RTL4: variants seen among roughly 807,000 people sequenced by gnomAD.
The protein encoded by RTL4 is retrotransposon Gag like 4.
RTL4 carries 4 observed loss-of-function variants against 5.3 expected under a neutral mutation model. That is an observed-to-expected ratio of 0.75 (90% CI 0.37 to 1.72). The LOEUF (loss-of-function observed/expected upper bound fraction) is 1.72. Ranked by LOEUF, RTL4 falls within the 40% of genes most tolerant of loss-of-function variation. RTL4 has a pLI of 0.04. For synonymous variants in RTL4, 98 were observed against 87.3 expected, an observed-to-expected ratio of 1.12 and a Z score of -0.68; for missense variants, 260 against 227.1, an observed-to-expected ratio of 1.14 and a Z score of -0.93.
At chrX:112,343,707 T>C in the RTL4 span, among the ~76,000 whole-genome samples, 2 of 112,104 alleles carry the variant, frequency 1.8e-5, no homozygotes, top group East Asian at 2.8e-4. Context: ...TTGAAGAACA[T>C]TCTTCAGGAA....
chrX:112,332,832 T>TA, the RTL4 span, among the ~76,000 whole-genome samples: 1 of 110,734 alleles, frequency 9.0e-6, no homozygotes, highest in Non-Finnish European at 1.9e-5. Context: ...AAGTTAACAA[T>TA]AAAAAAAAGA....
chrX:112,329,474 C>T, the RTL4 span, among the ~76,000 whole-genome samples: 1 of 111,164 alleles, frequency 9.0e-6, no homozygotes, highest in Non-Finnish European at 1.9e-5. Flanking sequence ...AGTTGAATCT[C>T]TGAATAGACC....
chrX:112,158,158 T>G, the RTL4 span, among the ~76,000 whole-genome samples: 2 of 111,140 alleles, frequency 1.8e-5, no homozygotes, highest in Admixed American at 9.6e-5. Flanking sequence ...GGAAGCTCCC[T>G]GCCTTTGATA....
chrX:112,336,132 T>C, the RTL4 span, among the ~76,000 whole-genome samples: 2 of 111,859 alleles, frequency 1.8e-5, no homozygotes, highest in Admixed American at 1.9e-4. Flanking sequence ...GTTTTCCTTG[T>C]AGCCAAGTAG....
chrX:112,157,908 TCA>T, the RTL4 span, among the ~76,000 whole-genome samples: 1 of 111,949 alleles, frequency 8.9e-6, no homozygotes, highest in Non-Finnish European at 1.9e-5. Flanking sequence ...GTTTAAAAAC[TCA>T]CCTTTGCCAG....
chrX:112,352,661 A>G, the RTL4 span, among the ~76,000 whole-genome samples: 1 of 110,029 alleles, frequency 9.1e-6, no homozygotes, highest in Non-Finnish European at 1.9e-5. Context: ...CCTTCCTTAC[A>G]CCTTATACAA....
At chrX:112,409,742 G>C in the RTL4 span, among the ~76,000 whole-genome samples, 5 of 107,202 alleles carry the variant, frequency 4.7e-5, no homozygotes, top group African/African-American at 1.7e-4. Flanking sequence ...AAAATTAAAA[G>C]CAATAAATTA....
chrX:112,344,244 A>C, the RTL4 span, among the ~76,000 whole-genome samples: 5 of 111,647 alleles, frequency 4.5e-5, no homozygotes, highest in Non-Finnish European at 7.5e-5. Context: ...ACCTCCCCTC[A>C]CCCTAACACC....
At chrX:112,089,114 T>G in the RTL4 span, among the ~76,000 whole-genome samples, 3 of 111,306 alleles carry the variant, frequency 2.7e-5, no homozygotes, top group Non-Finnish European at 5.7e-5. Context: ...ATTTTTCTTT[T>G]TTTATTATTA....
the RTL4 span, among the ~76,000 whole-genome samples, chrX:112,393,243 G>C: frequency 0.34 from 34,148 of 100,842 alleles, 6,359 homozygotes; most frequent in African/African-American, 0.67. Flanking sequence ...GCGCGATCTC[G>C]GCTCACTGCA....
At chrX:112,272,862 C>T in the RTL4 span, among the ~76,000 whole-genome samples, 1 of 110,515 alleles carries the variant, frequency 9.0e-6, no homozygotes, top group Non-Finnish European at 1.9e-5. Flanking sequence ...ATTGTAAATG[C>T]TTTATATTTA....
chrX:112,381,642 C>T, the RTL4 span: 1 of 1,207,834 alleles, frequency 8.3e-7, no homozygotes, highest in East Asian at 3.0e-5. Flanking sequence ...GAACAAATTT[C>T]AGTGCTTAAA....
At chrX:112,317,484 C>T in the RTL4 span, among the ~76,000 whole-genome samples, 1 of 111,803 alleles carries the variant, frequency 8.9e-6, no homozygotes, top group Non-Finnish European at 1.9e-5. Context: ...CCCCAGCTAA[C>T]TTGGCCATGG....
At chrX:112,215,546 T>C in the RTL4 span, among the ~76,000 whole-genome samples, 2 of 112,318 alleles carry the variant, frequency 1.8e-5, no homozygotes, top group Non-Finnish European at 3.8e-5. Flanking sequence ...AGTCACACAA[T>C]ATATGTCCTT....
At chrX:112,207,534 C>A in the RTL4 span, among the ~76,000 whole-genome samples, 1 of 111,293 alleles carries the variant, frequency 9.0e-6, no homozygotes, top group Non-Finnish European at 1.9e-5. Context: ...AGGAAGCTTT[C>A]TTTGACATGC....
the RTL4 span, among the ~76,000 whole-genome samples, chrX:112,225,790 A>G: frequency 8.9e-6 from 1 of 111,973 alleles, no homozygotes; most frequent in Non-Finnish European, 1.9e-5. Flanking sequence ...CTGCCCCAAA[A>G]AGCTTTGTGA....
the RTL4 span, among the ~76,000 whole-genome samples, chrX:112,198,694 G>T: frequency 1.8e-5 from 2 of 110,526 alleles, no homozygotes; most frequent in Non-Finnish European, 3.8e-5. Context: ...TCTCCCCATC[G>T]ATCTATTTAA....
chrX:112,128,063 T>G, the RTL4 span, among the ~76,000 whole-genome samples: 1 of 111,694 alleles, frequency 9.0e-6, no homozygotes, highest in Non-Finnish European at 1.9e-5. Context: ...ATGGAAAAGC[T>G]GACCTACAAA....
chrX:112,265,064 T>C, the RTL4 span, among the ~76,000 whole-genome samples: 1 of 111,944 alleles, frequency 8.9e-6, no homozygotes, highest in Non-Finnish European at 1.9e-5. Flanking sequence ...GCTGACAGGT[T>C]CCAATGAGCT....
Sources: gnomAD v4.1 joint callset for allele counts (sites outside exome capture counted in the v4.1 genomes callset) on GRCh38, gnomAD v4.1.1 for gene constraint, MANE v1.5 for transcripts, NCBI Gene and HGNC (gene_info 2026-07-23, HGNC 2026-07-21) for gene names.